The following ARID5B variants were observed in gnomAD, a reference collection of about 807,000 sequenced individuals.
ARID5B encodes the protein AT-rich interactive domain-containing protein 5B.
ARID5B carries 13 observed loss-of-function variants against 97.2 expected under a neutral mutation model. That is an observed-to-expected ratio of 0.13 (90% CI 0.09 to 0.21). The LOEUF is 0.21. ARID5B is among the 10% of genes least tolerant of loss of function. The probability of loss-of-function intolerance (pLI) is 1.00; values close to 1 mark genes in which losing one functional copy is unlikely to be tolerated. For synonymous variants in ARID5B, 556 were observed against 570.3 expected, an observed-to-expected ratio of 0.97 and a Z score of 0.36; for missense variants, 1,210 against 1,465.3, an observed-to-expected ratio of 0.83 and a Z score of 2.84.
intron 4 of ARID5B, among the ~76,000 whole-genome samples, chr10:62,034,208 A>G (rs1442095904): frequency 6.6e-6 from 1 of 152,250 alleles, no homozygotes; most frequent in East Asian, 1.9e-4. Context: ...TAAAATTAGT[A>G]TAGCATAGAA....
intron 4 of ARID5B, among the ~76,000 whole-genome samples, chr10:62,006,010 T>C (rs1358892802): frequency 2.6e-5 from 4 of 152,226 alleles, no homozygotes; most frequent in African/African-American, 9.6e-5. Context: ...ACATTTTTCT[T>C]TCATTGAAGC....
intron 8 of ARID5B, among the ~76,000 whole-genome samples, chr10:62,081,477 G>A (rs980939422): frequency 1.3e-5 from 2 of 152,162 alleles, no homozygotes; most frequent in Non-Finnish European, 2.9e-5. Flanking sequence ...TGGTTCAGAT[G>A]AGATTTGACA....
chr10:61,905,169 A>C (rs993940846), intron 2 of ARID5B, among the ~76,000 whole-genome samples: 2 of 152,240 alleles, frequency 1.3e-5, no homozygotes, highest in African/African-American at 2.4e-5. Flanking sequence ...GGTGATATGC[A>C]CTGTTACTTG....
chr10:61,910,881 G>A (rs1843792153), intron 2 of ARID5B, among the ~76,000 whole-genome samples: 2 of 152,204 alleles, frequency 1.3e-5, no homozygotes, highest in African/African-American at 2.4e-5. Context: ...TGTATAAATA[G>A]ACGCACAGTG....
At chr10:61,940,855 G>A (rs1248924197) in intron 3 of ARID5B, among the ~76,000 whole-genome samples, 1 of 137,266 alleles carries the variant, frequency 7.3e-6, no homozygotes, top group South Asian at 2.5e-4. Flanking sequence ...GTCAAGCCAG[G>A]GGATCCACTG....
chr10:62,076,552 ACT>A, intron 8 of ARID5B, among the ~76,000 whole-genome samples: 1 of 137,640 alleles, frequency 7.3e-6, no homozygotes. Context: ...ACAGAGCGAG[ACT>A]CTGTCTCAAA....
intron 2 of ARID5B, among the ~76,000 whole-genome samples, chr10:61,909,887 A>C (rs556699177): frequency 1.0e-3 from 154 of 152,314 alleles, no homozygotes; most frequent in African/African-American, 3.3e-3. Context: ...AAATATTTGA[A>C]AGATTAGACT....
Position 62,085,767 on chromosome 10 carries a change from C to T in ARID5B, c.1265C>T (p.Pro422Leu). 1 of 1,613,946 alleles carries T rather than the reference C, an allele frequency of 6.2e-7. No homozygotes were observed. Among genetic ancestry groups the T allele is most frequent in the Non-Finnish European group, 8.5e-7 (1 of 1,179,970 alleles). ...GATAAGCCCCTGCCTCCAATCAAAC[C>T]TCGGAAACAGGAGAACAGTTCACAG... The part of the protein sequence containing the change: ...EEDKPLPPIK[P>L]RKQENSSQEN... Residue 422 changes from proline to leucine, a missense_variant, in exon 9 of 10, where the codon CCT becomes CTT. Physicochemically the swap from Pro to Leu is moderately conservative, Grantham distance 98. Coordinates refer to ENST00000279873, the MANE Select transcript of ARID5B (RefSeq NM_032199.3).
At chr10:61,909,106 C>T (rs1033419233) in intron 2 of ARID5B, among the ~76,000 whole-genome samples, 2 of 152,132 alleles carry the variant, frequency 1.3e-5, no homozygotes, top group African/African-American at 4.8e-5. Context: ...ACAAGACAGA[C>T]AAAAATCACT....
chr10:62,043,602 C>T (rs1839668298), intron 4 of ARID5B, among the ~76,000 whole-genome samples: 1 of 152,150 alleles, frequency 6.6e-6, no homozygotes, highest in Non-Finnish European at 1.5e-5. Context: ...ATTAGCAATA[C>T]AGATGAGCTA....
At chr10:62,074,825 C>G (rs1284691936) in intron 8 of ARID5B, among the ~76,000 whole-genome samples, 1 of 152,230 alleles carries the variant, frequency 6.6e-6, no homozygotes, top group South Asian at 2.1e-4. Flanking sequence ...CTGTTTTCTA[C>G]TAGCCCATAA....
chr10:61,912,652 A>G (rs1247377173), intron 2 of ARID5B, among the ~76,000 whole-genome samples: 2 of 147,822 alleles, frequency 1.4e-5, no homozygotes, highest in African/African-American at 5.2e-5. Flanking sequence ...TTATGTGTGT[A>G]TATATATGCA....
chr10:62,059,710 T>G (rs1839898777), intron 7 of ARID5B, among the ~76,000 whole-genome samples: 1 of 152,202 alleles, frequency 6.6e-6, no homozygotes, highest in African/African-American at 2.4e-5. Context: ...CATTAAGGAA[T>G]AGAATGCAGC....
Position 62,073,324 on chromosome 10 carries a change from G to T in ARID5B, c.1199+3527G>T, listed in dbSNP as rs144969791. Reference sequence around the variant, plus strand: ...ACTGTGGTTCATGTTTCCAGTAAACGTTTTCATTTTACAACAAGAAAAATG... The same window carrying T: ...ACTGTGGTTCATGTTTCCAGTAAACTTTTTCATTTTACAACAAGAAAAATG... On this transcript the variant is annotated intron_variant, in intron 8 of 9. Transcript: ENST00000279873. 5.7e-3 allele frequency among the ~76,000 whole-genome samples: 867 copies of T among 152,198 alleles called. 5 individuals carry two copies. The highest frequency in any genetic ancestry group is 9.2e-3 in the Non-Finnish European group (628 of 67,996).
chr10:61,960,247 A>G (rs1589235805), intron 3 of ARID5B, among the ~76,000 whole-genome samples: 1 of 152,346 alleles, frequency 6.6e-6, no homozygotes, highest in East Asian at 1.9e-4. Flanking sequence ...GCATGGAAAT[A>G]CTACGTACAG....
intron 4 of ARID5B, among the ~76,000 whole-genome samples, chr10:62,040,554 A>G (rs989210460): frequency 4.6e-5 from 7 of 152,174 alleles, no homozygotes; most frequent in Non-Finnish European, 8.8e-5. Context: ...TGAATTATTG[A>G]CTAAACCAGC....
At position 62,027,285 on chromosome 10, in the gene ARID5B, C is replaced by CTTTTTTTTTTTT. The variant is rs777291593; in HGVS notation, c.734-23573_734-23562dup. Among the ~76,000 whole-genome samples, 4 of 67,406 alleles carry CTTTTTTTTTTTT rather than the reference C, an allele frequency of 5.9e-5. 1 individual carries two copies. The highest frequency in any genetic ancestry group is 5.7e-5 in the African/African-American group (1 of 17,408). 44.2% of individuals were successfully genotyped at this position (67,406 alleles called of 152,430 possible). Reference sequence around the variant, plus strand: ...TGATGCATTAGCCTCACAGTATCTCCTTTTTTTTTTTTTTTTTTTTTTTTT... The same window carrying CTTTTTTTTTTTT: ...TGATGCATTAGCCTCACAGTATCTCCTTTTTTTTTTTTTTTTTTTTTTTTTTTTTTTTTTTTT... On this transcript the variant is annotated intron_variant, in intron 4 of 9. Transcript: ENST00000279873.
In ARID5B at chr10:61,981,256, C is replaced by T. The variant is rs79544537; in HGVS notation, c.503-18835C>T. ...CTAGCAGGACAGTGCAATAACTGAACACTCTTGGTGGGTAGCCTGAGTTTT... is the reference window on the plus strand; with the variant it reads ...CTAGCAGGACAGTGCAATAACTGAATACTCTTGGTGGGTAGCCTGAGTTTT... On this transcript the variant is annotated intron_variant, in intron 3 of 9. Transcript: ENST00000279873. Among the ~76,000 whole-genome samples, 298 of 152,144 alleles carry T rather than the reference C, an allele frequency of 2.0e-3. 3 individuals carry two copies. Among genetic ancestry groups the T allele is most frequent in the African/African-American group, 6.9e-3 (285 of 41,520 alleles).
chr10:61,910,967 G>C (rs971568631), intron 2 of ARID5B, among the ~76,000 whole-genome samples: 1 of 152,092 alleles, frequency 6.6e-6, no homozygotes, highest in Non-Finnish European at 1.5e-5. Context: ...AACCCCAGGC[G>C]GCAAAGGCCA....
Sources: gnomAD v4.1 joint callset for allele counts (sites outside exome capture counted in the v4.1 genomes callset) on GRCh38, gnomAD v4.1.1 for gene constraint, MANE v1.5 for transcripts, NCBI Gene and HGNC (gene_info 2026-07-23, HGNC 2026-07-21) for gene names.